Variants in MS4A4E observed in about 807,000 individuals in gnomAD.
The protein encoded by MS4A4E is putative membrane-spanning 4-domains subfamily A member 4E.
In MS4A4E, 23 loss-of-function variants were observed where a neutral mutation model predicts 13.3. The observed-to-expected ratio is 1.73, with a 90% CI of 1.25 to 2.45. MS4A4E has a LOEUF of 2.45. MS4A4E is among the 30% of genes most tolerant of loss of function. The pLI, the probability that MS4A4E is intolerant of heterozygous loss-of-function variation, is 0.00. For missense variants in MS4A4E, 144 were observed against 131.2 expected (o/e 1.10, Z -0.48); for synonymous variants, 36 against 45.6 (o/e 0.79, Z 0.85).
At chr11:60,230,723 G>A (rs942769015) in intron 1 of MS4A4E, among the ~76,000 whole-genome samples, 1 of 152,162 alleles carries the variant, frequency 6.6e-6, no homozygotes, top group South Asian at 2.1e-4. Flanking sequence ...GAAATTCCAA[G>A]CACAAAGATA....
rs146073954 is a variant in MS4A4E, at chr11:60,217,633, T to A, written c.179-3019A>T. Among the ~76,000 whole-genome samples the A allele has an allele frequency of 5.6e-3, 858 of 152,334 alleles. 5 individuals are homozygous for A. Among genetic ancestry groups the A allele is most frequent in the African/African-American group, 0.02 (816 of 41,570 alleles). On this transcript the variant is annotated intron_variant, in intron 3 of 8. Transcript: ENST00000651255. ...ATTGTGAAGATTTCATGGACATTTA[T>A]GAGTTCCCCAAATTAATACTTTTAT... is the stretch of plus-strand genomic sequence containing the variant.
chr11:60,227,429 T>C (rs1039835533), intron 3 of MS4A4E, among the ~76,000 whole-genome samples: 21 of 152,066 alleles, frequency 1.4e-4, no homozygotes, highest in African/African-American at 5.1e-4. Context: ...CAGGCGCCTG[T>C]AGTCCCAGCT....
At chr11:60,216,121 GAA>G (rs963372667) in intron 3 of MS4A4E, among the ~76,000 whole-genome samples, 33 of 151,994 alleles carry the variant, frequency 2.2e-4, no homozygotes, top group African/African-American at 7.5e-4. Flanking sequence ...GTGATGTTCG[GAA>G]AAAAAGGTTG....
In MS4A4E at chr11:60,233,489, A is replaced by G. The variant is rs538981991; in HGVS notation, c.-16-3418T>C. On this transcript the variant is annotated intron_variant, in intron 1 of 8. Transcript: ENST00000651255. The stretch of plus-strand genomic sequence containing the variant: ...TTAGCTTTGTGGGTAACCTGCATCC[A>G]GCCACAACTGGGTGAGTGAACCTGT... 7.9e-4 allele frequency among the ~76,000 whole-genome samples: 120 copies of G among 152,306 alleles called. 2 individuals are homozygous for G. Among genetic ancestry groups the G allele is most frequent in the South Asian group, 1.5e-3 (7 of 4,824 alleles).
intron 1 of MS4A4E, among the ~76,000 whole-genome samples, chr11:60,240,853 C>T (rs1374978690): frequency 6.6e-6 from 1 of 152,164 alleles, no homozygotes; most frequent in African/African-American, 2.4e-5. Context: ...CTACAGCCCC[C>T]ATTTCCCGCA....
Position 60,229,969 on chromosome 11 carries a change from T to C in MS4A4E, c.87A>G (p.Ser29=), listed in dbSNP as rs772205184. ...TCTCTTGCAATCCTTTACACAGATATGAATGTATGACATCTATGTTTCCCA... is the reference window on the plus strand; with the variant it reads ...TCTCTTGCAATCCTTTACACAGATACGAATGTATGACATCTATGTTTCCCA... ...PQLGNIDVIH[S]YLCKGLQEKF... Residue 29 remains serine, a synonymous_variant, in exon 2 of 9, where the codon TCA becomes TCG. Transcript: ENST00000651255. 27 of 1,613,648 alleles carry C rather than the reference T, an allele frequency of 1.7e-5. No individual in the cohort carries two copies. Among genetic ancestry groups the C allele is most frequent in the African/African-American group, 2.7e-5 (2 of 74,924 alleles).
At chr11:60,232,062 C>A (rs1040252058) in intron 1 of MS4A4E, among the ~76,000 whole-genome samples, 7 of 151,596 alleles carry the variant, frequency 4.6e-5, no homozygotes, top group African/African-American at 1.5e-4. Flanking sequence ...AAAAATTTTG[C>A]CAATGTGTTA....
intron 3 of MS4A4E, among the ~76,000 whole-genome samples, chr11:60,227,126 CT>C (rs2084353413): frequency 4.0e-5 from 1 of 25,022 alleles, no homozygotes; most frequent in Non-Finnish European, 1.2e-4. Flanking sequence ...ATAAGAGAAA[CT>C]TAAAAAAAAA....
Position 60,228,579 on chromosome 11 carries a change from A to G in MS4A4E, c.178+15T>C. On this transcript the variant is annotated intron_variant, in intron 3 of 8. Transcript: ENST00000651255. ...TAAACATACTCTTACAATACAATAT[A>G]GTAATCATACTTACCCGAATGAGTT... The G allele has an allele frequency of 1.4e-6, 1 of 693,832 alleles. No homozygotes were observed. The highest frequency in any genetic ancestry group is 1.5e-5 in the South Asian group (1 of 64,744). The allele number at this position is 693,832 out of a possible 1,614,324, so 43.0% of individuals were successfully genotyped here. A position where few individuals can be genotyped will look rare whatever the true frequency, so the allele number is the denominator to read the frequency against.
intron 1 of MS4A4E, among the ~76,000 whole-genome samples, chr11:60,240,458 G>A (rs1421652940): frequency 1.3e-5 from 2 of 152,096 alleles, no homozygotes; most frequent in East Asian, 3.8e-4. Context: ...TGACTTTGTA[G>A]CCAAATGATC....
chr11:60,228,682 A>C (rs972440583), intron 2 of MS4A4E, 55 bp from the exon 3 acceptor site: 5 of 689,530 alleles, frequency 7.3e-6, no homozygotes, highest in African/African-American at 7.0e-5. Context: ...TTTGGAAGCC[A>C]TCAAGATGTC....
At chr11:60,221,580 A>G (rs2084270768) in intron 3 of MS4A4E, among the ~76,000 whole-genome samples, 1 of 152,214 alleles carries the variant, frequency 6.6e-6, no homozygotes. Context: ...GACAGCGGTG[A>G]AGGAAAATCG....
chr11:60,232,168 T>C (rs1397653982), intron 1 of MS4A4E, among the ~76,000 whole-genome samples: 1 of 151,754 alleles, frequency 6.6e-6, no homozygotes, highest in Non-Finnish European at 1.5e-5. Flanking sequence ...ATGGTCACAA[T>C]AGAAGAAAGT....
intron 1 of MS4A4E, among the ~76,000 whole-genome samples, chr11:60,237,728 A>G (rs953597748): frequency 8.6e-5 from 13 of 151,856 alleles, no homozygotes; most frequent in Admixed American, 4.6e-4. Flanking sequence ...TTTTCATATG[A>G]CTGTTGGCCG....
At chr11:60,214,509 C>T (rs761862930) in intron 4 of MS4A4E, 62 bp downstream of exon 4, 23 of 1,201,896 alleles carry the variant, frequency 1.9e-5, no homozygotes, top group Non-Finnish European at 2.5e-5. Context: ...GTTTTATACC[C>T]TGGCAGAATA....
chr11:60,228,838 A>G (rs1175918774), intron 2 of MS4A4E, among the ~76,000 whole-genome samples: 1 of 152,248 alleles, frequency 6.6e-6, no homozygotes, highest in East Asian at 1.9e-4. Context: ...GGCAGTCTTT[A>G]AAAACTACCT....
At position 60,236,209 on chromosome 11, in the gene MS4A4E, C is replaced by T. The variant is rs184515225; in HGVS notation, c.-16-6138G>A. The stretch of plus-strand genomic sequence containing the variant: ...CCACACTGTCTTAAAATTATAGCTT[C>T]GTAGTAAGTTTTGAATTGGAAAGTG... On this transcript the variant is annotated intron_variant, in intron 1 of 8. Coordinates refer to ENST00000651255, the MANE Select transcript of MS4A4E (RefSeq NM_001393391.1). Among the ~76,000 whole-genome samples the T allele has an allele frequency of 1.5e-3, 229 of 152,258 alleles. 3 individuals are homozygous for T. The Middle Eastern group carries it at 0.034, about 23-fold the overall frequency.
At chr11:60,216,377 T>C (rs1338932846) in intron 3 of MS4A4E, among the ~76,000 whole-genome samples, 1 of 152,124 alleles carries the variant, frequency 6.6e-6, no homozygotes, top group Non-Finnish European at 1.5e-5. Context: ...GTGATTCTGA[T>C]AATGGAGTGA....
chr11:60,231,024 G>GA (rs1190853489), intron 1 of MS4A4E, among the ~76,000 whole-genome samples: 1 of 152,088 alleles, frequency 6.6e-6, no homozygotes, highest in Non-Finnish European at 1.5e-5. Context: ...GCTATGTACA[G>GA]AAAAAATTCA....
Sources: gnomAD v4.1 joint callset for allele counts (sites outside exome capture counted in the v4.1 genomes callset) on GRCh38, gnomAD v4.1.1 for gene constraint, MANE v1.5 for transcripts, NCBI Gene and HGNC (gene_info 2026-07-23, HGNC 2026-07-21) for gene names.